ERG: variants seen among roughly 807,000 people sequenced by gnomAD.
ERG encodes transcriptional regulator ERG.
ERG carries 9 observed loss-of-function variants against 55.3 expected under a neutral mutation model. That is an observed-to-expected ratio of 0.16 (90% CI 0.10 to 0.28). ERG has a LOEUF of 0.28. ERG is among the 10% of genes least tolerant of loss of function. ERG has a pLI of 1.00. For synonymous variants in ERG, 223 were observed against 237.3 expected (o/e 0.94, Z 0.55); for missense variants, 434 against 631.6 (o/e 0.69, Z 3.35).
At chr21:38,607,645 AAAATACAAAGGT>A (rs1341078904) in intron 1 of ERG, among the ~76,000 whole-genome samples, 4 of 152,226 alleles carry the variant, frequency 2.6e-5, no homozygotes, top group African/African-American at 9.6e-5. Context: ...TCTCAAAAAA[AAAATACAAAGGT>A]AAACAAAGAC....
intron 2 of ERG, among the ~76,000 whole-genome samples, chr21:38,529,963 T>C (rs1265058614): frequency 6.6e-6 from 1 of 152,100 alleles, no homozygotes; most frequent in Non-Finnish European, 1.5e-5. Flanking sequence ...CGAAACTCCG[T>C]CTCAAAAATA....
chr21:38,456,881 T>C (rs573172625), intron 1 of ERG, among the ~76,000 whole-genome samples: 7 of 152,352 alleles, frequency 4.6e-5, no homozygotes, highest in African/African-American at 1.7e-4. Flanking sequence ...CCTTTGCTAA[T>C]GTTATACGCT....
At chr21:38,639,173 A>C (rs555097933) in intron 1 of ERG, among the ~76,000 whole-genome samples, 1 of 152,290 alleles carries the variant, frequency 6.6e-6, no homozygotes, top group African/African-American at 2.4e-5. Context: ...GATACCCATC[A>C]CGGCACACAC....
intron 2 of ERG, among the ~76,000 whole-genome samples, chr21:38,553,295 A>G (rs2059836313): frequency 6.6e-6 from 1 of 152,210 alleles, no homozygotes; most frequent in Non-Finnish European, 1.5e-5. Flanking sequence ...TGCTATTTCT[A>G]TCATATTACT....
At chr21:38,446,767 A>T (rs2058896350) in intron 1 of ERG, among the ~76,000 whole-genome samples, 1 of 152,034 alleles carries the variant, frequency 6.6e-6, no homozygotes, top group Admixed American at 6.5e-5. Flanking sequence ...TCCAGTCCAA[A>T]CTTGTCATCT....
At chr21:38,400,693 T>C (rs184735991) in intron 5 of ERG, 48 bp from the exon 6 acceptor site, 3 of 1,447,412 alleles carry the variant, frequency 2.1e-6, no homozygotes, top group Non-Finnish European at 2.9e-6. Context: ...TTGTTGTGGT[T>C]GTCGATCTCA....
At chr21:38,610,410 A>C (rs970721754) in intron 1 of ERG, among the ~76,000 whole-genome samples, 1 of 152,240 alleles carries the variant, frequency 6.6e-6, no homozygotes, top group Non-Finnish European at 1.5e-5. Context: ...GAAAGTAAAG[A>C]GCCCAGACTC....
In ERG at chr21:38,381,887, A is replaced by G; in HGVS notation, c.*1516T>C. The stretch of plus-strand genomic sequence containing the variant: ...AGAGGCTGACGCCATTTGGGTGCCA[A>G]ACATCCTATTTCCTTGGCTCTCCCT... On this transcript the variant is annotated 3_prime_UTR_variant, in exon 10 of 10. Coordinates refer to ENST00000288319, the MANE Select transcript of ERG (RefSeq NM_182918.4). 1.9e-6 allele frequency: 2 copies of G among 1,063,656 alleles called. No homozygotes were observed. The highest frequency in any genetic ancestry group is 2.3e-6 in the Non-Finnish European group (2 of 878,184). 65.9% of individuals were successfully genotyped at this position (1,063,656 alleles called of 1,614,324 possible).
chr21:38,634,742 G>A (rs2060378026), intron 1 of ERG, among the ~76,000 whole-genome samples: 1 of 152,162 alleles, frequency 6.6e-6, no homozygotes, highest in African/African-American at 2.4e-5. Flanking sequence ...AGCTCCCTTT[G>A]CATGGATGCA....
chr21:38,546,781 T>C (rs2059790708), intron 2 of ERG, among the ~76,000 whole-genome samples: 1 of 152,146 alleles, frequency 6.6e-6, no homozygotes, highest in Non-Finnish European at 1.5e-5. Flanking sequence ...CAATTACACA[T>C]CTTCTGGGTA....
At chr21:38,523,435 A>C (rs2059608797) in intron 2 of ERG, among the ~76,000 whole-genome samples, 1 of 152,126 alleles carries the variant, frequency 6.6e-6, no homozygotes, top group Non-Finnish European at 1.5e-5. Flanking sequence ...AGTATTCATC[A>C]CCAACATCTC....
chr21:38,426,977 C>T (rs1989858773), intron 2 of ERG, among the ~76,000 whole-genome samples: 4 of 151,932 alleles, frequency 2.6e-5, no homozygotes, highest in Admixed American at 2.6e-4. Flanking sequence ...GGATTTTGAA[C>T]CCTTCAGACC....
At chr21:38,461,950 G>A (rs757788602) in intron 1 of ERG, among the ~76,000 whole-genome samples, 6 of 151,630 alleles carry the variant, frequency 4.0e-5, no homozygotes, top group Admixed American at 6.6e-5. Context: ...GATTACAGGC[G>A]TGTCCCACCA....
At chr21:38,582,211 AG>A (rs1332338842) in intron 1 of ERG, among the ~76,000 whole-genome samples, 1 of 152,156 alleles carries the variant, frequency 6.6e-6, no homozygotes, top group Admixed American at 6.5e-5. Flanking sequence ...TGCACCTAAA[AG>A]GGGGGTTGTG....
intron 1 of ERG, among the ~76,000 whole-genome samples, chr21:38,604,940 C>A (rs539547173): frequency 6.6e-6 from 1 of 152,326 alleles, no homozygotes; most frequent in East Asian, 1.9e-4. Context: ...CGTATTATTT[C>A]TTTTCTTGCT....
intron 2 of ERG, among the ~76,000 whole-genome samples, chr21:38,553,105 A>T (rs2059835143): frequency 6.6e-6 from 1 of 152,170 alleles, no homozygotes. Flanking sequence ...AACAAAAAAA[A>T]TACAATACTT....
chr21:38,529,943 G>A (rs1351555692), intron 2 of ERG, among the ~76,000 whole-genome samples: 3 of 152,152 alleles, frequency 2.0e-5, no homozygotes, highest in Non-Finnish European at 2.9e-5. Context: ...TCCAGCCTGG[G>A]TGACAAGAGC....
Position 38,400,623 on chromosome 21 carries a change from T to G in ERG, c.696A>C (p.Pro232=). 6.2e-7 allele frequency: 1 copy of G among 1,606,588 alleles called. No homozygotes were observed. Among genetic ancestry groups the G allele is most frequent in the Non-Finnish European group, 8.5e-7 (1 of 1,173,634 alleles). Residue 232 remains proline, a synonymous_variant, in exon 6 of 10, where the codon CCA becomes CCC. Transcript: ENST00000288319. ...RNTGGAAFIF[P]NTSVYPEATQ... is the part of the protein sequence containing the mutation. ...TAGCTTCAGGATATACTGAAGTATT[T>G]GGGAAAATAAAAGCTGCACCCCCTG...
intron 2 of ERG, among the ~76,000 whole-genome samples, chr21:38,540,811 C>T (rs1432511549): frequency 2.0e-5 from 3 of 152,204 alleles, no homozygotes; most frequent in African/African-American, 4.8e-5. Context: ...GACTGGTCAA[C>T]CCCAAGCTCA....
Sources: gnomAD v4.1 joint callset for allele counts (sites outside exome capture counted in the v4.1 genomes callset) on GRCh38, gnomAD v4.1.1 for gene constraint, MANE v1.5 for transcripts, NCBI Gene and HGNC (gene_info 2026-07-23, HGNC 2026-07-21) for gene names.